Variants in AMBRA1 observed in about 807,000 individuals in gnomAD.
AMBRA1 encodes activating molecule in BECN1-regulated autophagy protein 1.
AMBRA1 carries 47 observed loss-of-function variants against 125.4 expected under a neutral mutation model. The ratio of observed to expected loss-of-function variants is 0.37; its 90% CI spans 0.30 to 0.48. The LOEUF is 0.48. Among genes scored for constraint, AMBRA1 ranks in the 20% least tolerant of loss-of-function variants. AMBRA1 has a pLI of 0.99. For missense variants in AMBRA1, 1,331 were observed against 1,693.4 expected (o/e 0.79, Z 3.76); for synonymous variants, 626 against 655.5 (o/e 0.95, Z 0.69).
chr11:46,566,910 G>A (rs2043551926), intron 1 of AMBRA1, among the ~76,000 whole-genome samples: 1 of 152,190 alleles, frequency 6.6e-6, no homozygotes, highest in African/African-American at 2.4e-5. Flanking sequence ...AGAGGGGCCT[G>A]AACTCTGCTA....
At position 46,542,824 on chromosome 11, in the gene AMBRA1, G is replaced by C. The variant is rs1423851188; in HGVS notation, c.1193C>G (p.Pro398Arg). Residue 398 changes from proline to arginine, a missense_variant, in exon 7 of 18, where the codon CCT becomes CGT. Transcript: ENST00000683756. The surrounding 1 kb of genome is among the most constrained non-coding windows in gnomAD (Gnocchi z 5.9). ...ATACCTAGAAGGGTGGCTAGACAGA[G>C]GCCCTCCCAAAGAGCGGCGGGTAGG... ...LGPTRRSLGGPLSSHPSRYHR... is the reference protein window; with the variant it reads ...LGPTRRSLGGRLSSHPSRYHR... 6.2e-7 allele frequency: 1 copy of C among 1,614,128 alleles called. No homozygotes were observed. The highest frequency in any genetic ancestry group is 1.1e-5 in the South Asian group (1 of 91,074).
intron 1 of AMBRA1, among the ~76,000 whole-genome samples, chr11:46,585,464 G>A (rs1323851227): frequency 4.0e-5 from 6 of 149,024 alleles, no homozygotes; most frequent in Non-Finnish European, 8.9e-5. Flanking sequence ...TCAGGAGATC[G>A]AGACCATCCT....
At chr11:46,535,945 C>T (rs1952456500) in intron 7 of AMBRA1, among the ~76,000 whole-genome samples, 1 of 152,182 alleles carries the variant, frequency 6.6e-6, no homozygotes, top group South Asian at 2.1e-4. Flanking sequence ...AGGAACATAG[C>T]ACACAGTGAA....
At chr11:46,459,177 T>C (rs1222488568) in intron 11 of AMBRA1, among the ~76,000 whole-genome samples, 2 of 152,230 alleles carry the variant, frequency 1.3e-5, no homozygotes, top group Admixed American at 1.3e-4. Flanking sequence ...TTCTGTATGA[T>C]TCCATCCCCA....
At chr11:46,476,703 A>T (rs964527464) in intron 11 of AMBRA1, among the ~76,000 whole-genome samples, 1 of 152,272 alleles carries the variant, frequency 6.6e-6, no homozygotes, top group African/African-American at 2.4e-5. Flanking sequence ...CAGTTGCTTC[A>T]CATCAGCAGA....
intron 11 of AMBRA1, among the ~76,000 whole-genome samples, chr11:46,463,993 A>G (rs1393684617): frequency 2.6e-5 from 4 of 152,214 alleles, no homozygotes; most frequent in Non-Finnish European, 5.9e-5. Context: ...AAGGAGAGAT[A>G]GGGAGCTTTT....
At chr11:46,423,235 T>G (rs1334925003) in intron 14 of AMBRA1, among the ~76,000 whole-genome samples, 1 of 152,202 alleles carries the variant, frequency 6.6e-6, no homozygotes, top group Non-Finnish European at 1.5e-5. Context: ...GCTGTTGATC[T>G]GCTTAGATCA....
chr11:46,415,997 G>A (rs749744611), intron 15 of AMBRA1, among the ~76,000 whole-genome samples: 1 of 152,212 alleles, frequency 6.6e-6, no homozygotes. Flanking sequence ...CAACAAACTG[G>A]GTGTAGATTA....
intron 11 of AMBRA1, among the ~76,000 whole-genome samples, chr11:46,482,097 T>G (rs1219910976): frequency 6.6e-6 from 1 of 152,230 alleles, no homozygotes; most frequent in Non-Finnish European, 1.5e-5. Flanking sequence ...TGTTGTTGTT[T>G]TTGCTTAGGA....
chr11:46,576,838 A>G lies in AMBRA1; in HGVS notation c.-121+16990T>C, dbSNP rs76755912. Reference sequence around the variant, plus strand: ...CAAAGAACATGATTAAGAGTCTTAAATTCCTAATTCCATCACTGACTTGCT... The same window carrying G: ...CAAAGAACATGATTAAGAGTCTTAAGTTCCTAATTCCATCACTGACTTGCT... On this transcript the variant is annotated intron_variant, in intron 1 of 17. Transcript: ENST00000683756. Among the ~76,000 whole-genome samples the G allele has an allele frequency of 7.3e-3, 1,111 of 152,348 alleles. 21 individuals are homozygous for G. The highest frequency in any genetic ancestry group is 0.026 in the African/African-American group (1,062 of 41,582).
intron 11 of AMBRA1, among the ~76,000 whole-genome samples, chr11:46,466,721 C>G (rs1329656655): frequency 6.6e-6 from 1 of 151,958 alleles, no homozygotes; most frequent in Non-Finnish European, 1.5e-5. Flanking sequence ...TTATTTTTAT[C>G]AAAGTACTAC....
intron 7 of AMBRA1, among the ~76,000 whole-genome samples, chr11:46,527,477 C>CAAAAAAAAA (rs59904013): frequency 6.6e-4 from 17 of 25,938 alleles, no homozygotes; most frequent in African/African-American, 2.8e-3. Context: ...GAGACTGTCT[C>CAAAAAAAAA]AAAAAAAAAA....
In AMBRA1 at chr11:46,542,204, A is replaced by T. The variant is rs756445526; in HGVS notation, c.1813T>A (p.Ser605Thr). The T allele has an allele frequency of 6.2e-7, 1 of 1,613,962 alleles. No homozygotes were observed. Among genetic ancestry groups the T allele is most frequent in the Non-Finnish European group, 8.5e-7 (1 of 1,179,932 alleles). ...EASSSWQVPS[S>T]FESVPSSGSQ... Reference sequence around the variant, plus strand: ...CCACTTGATGGCACACTCTCAAAGGAGCTGGGGACCTGCCAAGAGGAACTA... The same window carrying T: ...CCACTTGATGGCACACTCTCAAAGGTGCTGGGGACCTGCCAAGAGGAACTA... Residue 605 changes from serine (S) to threonine (T), a missense_variant, in exon 7 of 18, where the codon TCC becomes ACC. Around this residue, in one of 4 missense-constraint regions of AMBRA1, gnomAD observed 689 missense variants for 776.5 expected, o/e 0.89. Transcript: ENST00000683756. This position sits in a 1 kb window ranked among gnomAD's most constrained non-coding sequence, Gnocchi z 5.9.
chr11:46,545,235 G>A (rs997662929), intron 5 of AMBRA1, among the ~76,000 whole-genome samples: 7 of 150,388 alleles, frequency 4.7e-5, no homozygotes, highest in Admixed American at 3.3e-4. Flanking sequence ...TGAGGTGGGC[G>A]GATCACTTAA....
chr11:46,439,716 G>A lies in AMBRA1; in HGVS notation c.2632+3772C>T, dbSNP rs868363764. ...TCAAAACTCGAATGACAAGTAGGAA[G>A]CTCCTATTATAAGTTAATTTTCTGA... On this transcript the variant is annotated intron_variant, in intron 12 of 17. Transcript: ENST00000683756. Among the ~76,000 whole-genome samples, 34 of 152,218 alleles carry A rather than the reference G, an allele frequency of 2.2e-4. No individual in the cohort carries two copies. The Middle Eastern group carries it at 0.01, about 46-fold the overall frequency.
Position 46,417,940 on chromosome 11 carries a change from T to C in AMBRA1, c.3089A>G (p.Lys1030Arg), listed in dbSNP as rs1344264569. 6.2e-7 allele frequency: 1 copy of C among 1,610,948 alleles called. No homozygotes were observed. The highest frequency in any genetic ancestry group is 8.5e-7 in the Non-Finnish European group (1 of 1,177,790). The change falls in exon 15 of 18, where the codon AAA becomes AGA. Residue 1030 changes from lysine (K) to arginine (R), a missense_variant. This residue lies in a region of AMBRA1 where 354 missense variants were observed against 532.7 expected (regional missense o/e 0.66). Transcript: ENST00000683756. ...PGLGLAYGTN[K>R]GDLVICRPEA... The stretch of plus-strand genomic sequence containing the variant: ...TGGTCGGCAGATCACCAGGTCTCCT[T>C]TGTTAGTACCATAGGCCAAGCCAAG...
chr11:46,568,967 C>T (rs534503294), intron 1 of AMBRA1, among the ~76,000 whole-genome samples: 1 of 151,716 alleles, frequency 6.6e-6, no homozygotes, highest in African/African-American at 2.4e-5. Flanking sequence ...CGACCAAGAC[C>T]AGCTAATTTT....
chr11:46,410,272 A>G lies in AMBRA1; in HGVS notation c.3209+4T>C. 6.2e-7 allele frequency: 1 copy of G among 1,613,376 alleles called. No individual in the cohort carries two copies. Among genetic ancestry groups the G allele is most frequent in the Admixed American group, 1.7e-5 (1 of 60,016 alleles). ...GCTGCTCCCTGCCTACTTCCCAAAC[A>G]TACCCAGGCCGCTCGCTGCTCCTGC... On this transcript the variant is annotated splice_donor_region_variant and intron_variant, in intron 16 of 17. Transcript: ENST00000683756.
At chr11:46,507,903 T>A (rs940225101) in intron 9 of AMBRA1, among the ~76,000 whole-genome samples, 1 of 151,894 alleles carries the variant, frequency 6.6e-6, no homozygotes, top group Non-Finnish European at 1.5e-5. Context: ...AAAAGGGAAA[T>A]AAAAATGTTG....
Sources: allele counts gnomAD v4.1 joint callset (sites outside exome capture counted in the v4.1 genomes callset), GRCh38; gene constraint gnomAD v4.1.1; regional missense constraint gnomAD v4.1.1; non-coding constraint Gnocchi (gnomAD v3.1); transcripts MANE v1.5; gene names NCBI Gene and HGNC (gene_info 2026-07-23, HGNC 2026-07-21).